PDE6B: variants seen among roughly 807,000 people sequenced by gnomAD.
The protein encoded by PDE6B is phosphodiesterase 6B, also known as rod cGMP-specific 3',5'-cyclic phosphodiesterase subunit beta.
A neutral mutation model predicts 109.0 loss-of-function variants in PDE6B; 106 were observed. That is an observed-to-expected ratio of 0.97 (90% confidence interval 0.83 to 1.14). The LOEUF is 1.14. Ranked by LOEUF, PDE6B falls within the 50% of genes most tolerant of loss-of-function variation. The pLI is 0.00. For missense variants in PDE6B, 1,193 were observed against 1,155.6 expected, an observed-to-expected ratio of 1.03 and a Z score of -0.47; for synonymous variants, 490 against 471.3, an observed-to-expected ratio of 1.04 and a Z score of -0.51.
At chr4:659,585 A>G (rs546959505) in intron 11 of PDE6B, among the ~76,000 whole-genome samples, 71 of 150,382 alleles carry the variant, frequency 4.7e-4, no homozygotes, top group African/African-American at 1.5e-3. Flanking sequence ...GTGTGTGTGC[A>G]CATGTGGGTA....
At position 662,012 on chromosome 4, in the gene PDE6B, A is replaced by C. The variant is rs867239047; in HGVS notation, c.1615-122A>C. Reference sequence around the variant, plus strand: ...AGGGATGGGGAAGATCGGGAAGTCCAGGAGACGGTGTGGGGATGATGGCAC... The same window carrying C: ...AGGGATGGGGAAGATCGGGAAGTCCCGGAGACGGTGTGGGGATGATGGCAC... On this transcript the variant is annotated intron_variant, in intron 12 of 21. Transcript: ENST00000496514. This position sits in a 1 kb window ranked among gnomAD's most constrained non-coding sequence, Gnocchi z 4.3. 2 of 698,588 alleles carry C rather than the reference A, an allele frequency of 2.9e-6. No individual in the cohort carries two copies. 43.3% of individuals were successfully genotyped at this position (698,588 alleles called of 1,614,324 possible).
rs1189079871 is a variant in PDE6B, at chr4:648,871, G to A, written c.712-4981G>A. On this transcript the variant is annotated intron_variant, in intron 3 of 21. Transcript: ENST00000496514. This position sits in a 1 kb window ranked among gnomAD's most constrained non-coding sequence, Gnocchi z 4.5. ...GTGGCTCGCTGCAAGGGCGGAGGAGGTGCCCCGACTCAGGTCAGGCATGGG... is the reference window on the plus strand; with the variant it reads ...GTGGCTCGCTGCAAGGGCGGAGGAGATGCCCCGACTCAGGTCAGGCATGGG... 6.6e-6 allele frequency among the ~76,000 whole-genome samples: 1 copy of A among 152,272 alleles called. No individual in the cohort carries two copies. Among genetic ancestry groups the A allele is most frequent in the African/African-American group, 2.4e-5 (1 of 41,474 alleles).
intron 6 of PDE6B, 120 bp downstream of exon 6, chr4:655,008 G>A: frequency 1.3e-6 from 1 of 758,156 alleles, no homozygotes; most frequent in Non-Finnish European, 2.4e-6. Context: ...CACCGGCCTG[G>A]CCTGGCCCCA....
rs71636506 is a variant in PDE6B at position 642,725 on chromosome 4, C to CAAAAAA, written c.711+6776_711+6781dup. Among the ~76,000 whole-genome samples the CAAAAAA allele has an allele frequency of 4.5e-3, 195 of 43,298 alleles. 2 individuals are homozygous for CAAAAAA. The highest frequency in any genetic ancestry group is 5.5e-3 in the Non-Finnish European group (122 of 22,338). The allele number at this position is 43,298 out of a possible 152,430, so 28.4% of individuals were successfully genotyped here. A position where few individuals can be genotyped will look rare whatever the true frequency, so the allele number is the denominator to read the frequency against. ...CCAACCTGGACAACAGACACTGTCT[C>CAAAAAA]AAAAAAAAAAAAAAAAAAAAAAAAA... is the stretch of plus-strand genomic sequence containing the variant. On this transcript the variant is annotated intron_variant, in intron 3 of 21. Coordinates refer to ENST00000496514, the MANE Select transcript of PDE6B (RefSeq NM_000283.4).
intron 5 of PDE6B, 61 bp downstream of exon 5, chr4:654,215 T>A: frequency 3.2e-6 from 4 of 1,252,448 alleles, no homozygotes; most frequent in Non-Finnish European, 3.5e-6. Context: ...TGACTCCAAC[T>A]CCAGGGCAGG....
chr4:659,167 A>AC, intron 11 of PDE6B, 150 bp downstream of exon 11: 1 of 697,648 alleles, frequency 1.4e-6, no homozygotes. Context: ...GTATCTAAGC[A>AC]CCTTAGTGTA....
At chr4:653,692 G>C in intron 3 of PDE6B, 160 bp from the exon 4 acceptor site, 1 of 830,578 alleles carries the variant, frequency 1.2e-6, no homozygotes, top group African/African-American at 1.7e-5. Context: ...ACCTGGCCAC[G>C]GAGCCACCAA....
At chr4:664,821 T>A (rs1294294868) in intron 17 of PDE6B, 60 bp from the exon 18 acceptor site, 1 of 1,334,574 alleles carries the variant, frequency 7.5e-7, no homozygotes, top group East Asian at 2.3e-5. Flanking sequence ...AGAAAACACA[T>A]ATAAACCACC....
rs987779289 is a variant in PDE6B at position 633,093 on chromosome 4, G to A, written c.469-1584G>A. ...TGTCCAAACTGCCACAGGCACAACA[G>A]GCACCACGACAAGCAGGCAGGAGTG... On this transcript the variant is annotated intron_variant, in intron 1 of 21. Coordinates refer to ENST00000496514, the MANE Select transcript of PDE6B (RefSeq NM_000283.4). This position sits in a 1 kb window ranked among gnomAD's most constrained non-coding sequence, Gnocchi z 4.5. Among the ~76,000 whole-genome samples, 4 of 152,018 alleles carry A rather than the reference G, an allele frequency of 2.6e-5. No individual in the cohort carries two copies. The highest frequency in any genetic ancestry group is 9.7e-5 in the African/African-American group (4 of 41,312).
Position 659,806 on chromosome 4 carries a change from TTGTG to T in PDE6B, c.1468-655_1468-652del, listed in dbSNP as rs1409263041. Among the ~76,000 whole-genome samples, 4 of 152,264 alleles carry T rather than the reference TTGTG, an allele frequency of 2.6e-5. No individual in the cohort carries two copies. The East Asian group carries it at 7.7e-4, about 29-fold the overall frequency. On this transcript the variant is annotated intron_variant, in intron 11 of 21. Coordinates refer to ENST00000496514, the MANE Select transcript of PDE6B (RefSeq NM_000283.4). ...CACATGGATATATATAGACACATGC[TTGTG>T]TGTGTCTCCTAGAGACGATTGCTGG...
chr4:663,754 G>A lies in PDE6B; in HGVS notation c.1921-16G>A. 1 of 1,602,526 alleles carries A rather than the reference G, an allele frequency of 6.2e-7. No individual in the cohort carries two copies. The highest frequency in any genetic ancestry group is 8.5e-7 in the Non-Finnish European group (1 of 1,170,896). On this transcript the variant is annotated splice_polypyrimidine_tract_variant and intron_variant, in intron 15 of 21. Transcript: ENST00000496514. The surrounding 1 kb of genome is among the most constrained non-coding windows in gnomAD (Gnocchi z 4.0). The stretch of plus-strand genomic sequence containing the variant: ...TGGCCGCAGGGCGCCTGACGCGCTG[G>A]GCATAACCTCCGCAGACCCTGAACA...
intron 9 of PDE6B, 123 bp from the exon 10 acceptor site, chr4:657,228 C>A (rs907402128): frequency 1.6e-6 from 2 of 1,234,604 alleles, no homozygotes; most frequent in Non-Finnish European, 2.3e-6. Flanking sequence ...CACACAGAAG[C>A]ACTGCGACAC....
At position 657,461 on chromosome 4, in the gene PDE6B, G is replaced by A; in HGVS notation, c.1368G>A (p.Val456=). The change falls in exon 10 of 22, where the codon GTG becomes GTA. Residue 456 remains valine, a synonymous_variant. Transcript: ENST00000496514. Reference sequence around the variant, plus strand: ...CACAGGACATGGTCCTTTACCACGTGAAGTGCGACAGGGACGAGATCCAGC... The same window carrying A: ...CACAGGACATGGTCCTTTACCACGTAAAGTGCGACAGGGACGAGATCCAGC... ...DIAQDMVLYH[V]KCDRDEIQLI... is the part of the protein sequence containing the mutation. 6.2e-7 allele frequency: 1 copy of A among 1,613,402 alleles called. No homozygotes were observed. Among genetic ancestry groups the A allele is most frequent in the Non-Finnish European group, 8.5e-7 (1 of 1,179,910 alleles).
At chr4:641,835 T>C (rs59623849) in intron 3 of PDE6B, among the ~76,000 whole-genome samples, 26,211 of 151,834 alleles carry the variant, frequency 0.17, 2,962 homozygotes, top group African/African-American at 0.32. Flanking sequence ...TTAGTAGAGA[T>C]GGGGTTTCAC....
chr4:643,539 CT>C (rs879549844), intron 3 of PDE6B, among the ~76,000 whole-genome samples: 6 of 152,074 alleles, frequency 3.9e-5, no homozygotes, highest in Non-Finnish European at 8.8e-5. Context: ...CTATTAGGGA[CT>C]GGTGCTTTCT....
intron 21 of PDE6B, 128 bp downstream of exon 21, chr4:668,134 C>T (rs1388806973): frequency 2.2e-6 from 2 of 920,600 alleles, no homozygotes; most frequent in Non-Finnish European, 3.3e-6. Flanking sequence ...TCGAGGTGGA[C>T]AGGGCCACAG....
chr4:632,393 G>C (rs977724206), intron 1 of PDE6B, among the ~76,000 whole-genome samples: 22 of 152,000 alleles, frequency 1.4e-4, no homozygotes, highest in African/African-American at 5.1e-4. Context: ...GGATCCATGT[G>C]GTGCCGTCTG....
At position 665,863 on chromosome 4, in the gene PDE6B, G is replaced by A. The variant is rs1031617021; in HGVS notation, c.2268+534G>A. Among the ~76,000 whole-genome samples, 4 of 152,144 alleles carry A rather than the reference G, an allele frequency of 2.6e-5. No homozygotes were observed. In the South Asian group the frequency reaches 8.3e-4, roughly 31 times the overall value. ...CCCACGTGGACCAGGTGGGAGCTGTGGTTTCTCACACACCCGCTCTGGTGG... is the reference window on the plus strand; with the variant it reads ...CCCACGTGGACCAGGTGGGAGCTGTAGTTTCTCACACACCCGCTCTGGTGG... On this transcript the variant is annotated intron_variant, in intron 19 of 21. Coordinates refer to ENST00000496514, the MANE Select transcript of PDE6B (RefSeq NM_000283.4). The surrounding 1 kb of genome is among the most constrained non-coding windows in gnomAD (Gnocchi z 4.0).
chr4:654,918 CCG>C, intron 6 of PDE6B, 30 bp downstream of exon 6: 1 of 1,293,270 alleles, frequency 7.7e-7, no homozygotes. Context: ...AGAAGCGTCC[CCG>C]GGGGAGGGAC....
Sources: gnomAD v4.1 joint callset for allele counts (sites outside exome capture counted in the v4.1 genomes callset) on GRCh38, gnomAD v4.1.1 for gene constraint, Gnocchi (gnomAD v3.1) non-coding constraint, MANE v1.5 for transcripts, NCBI Gene and HGNC (gene_info 2026-07-23, HGNC 2026-07-21) for gene names.